EIF4E: variants seen among roughly 807,000 people sequenced by gnomAD.
EIF4E encodes eukaryotic translation initiation factor 4E, also known as eIF-4F 25 kDa subunit.
For missense variants in EIF4E, 113 were observed against 265.6 expected (o/e 0.43, Z 3.99); for synonymous variants, 71 against 88.5 (o/e 0.80, Z 1.11).
At chr4:98,917,207 T>G (rs946744260) in intron 1 of EIF4E, among the ~76,000 whole-genome samples, 3 of 151,466 alleles carry the variant, frequency 2.0e-5, no homozygotes, top group Non-Finnish European at 2.9e-5. Context: ...CATGTGTTCA[T>G]GAAGTTCCTC....
intron 5 of EIF4E, among the ~76,000 whole-genome samples, chr4:98,885,709 C>T: frequency 6.6e-6 from 1 of 152,158 alleles, no homozygotes; most frequent in Non-Finnish European, 1.5e-5. Context: ...GCCTCAGCCT[C>T]CTGAAGTGTT....
chr4:98,913,057 A>T (rs1229595421), intron 1 of EIF4E, among the ~76,000 whole-genome samples: 2 of 151,744 alleles, frequency 1.3e-5, no homozygotes, highest in African/African-American at 4.8e-5. Context: ...AAAATACAAA[A>T]ATTAGCCAGG....
chr4:98,890,874 G>C lies in EIF4E; in HGVS notation c.221+363C>G, dbSNP rs567322204. On this transcript the variant is annotated intron_variant, in intron 3 of 6. Coordinates refer to ENST00000450253, the MANE Select transcript of EIF4E (RefSeq NM_001968.5). ...AATTCCAGATATTGCACTGAAAACA[G>C]TTTGCAGAAATGAGGACCCAACAAC... 2.1e-4 allele frequency: 52 copies of C among 251,174 alleles called. 1 individual carries two copies. The South Asian group carries it at 2.9e-3, about 14-fold the overall frequency. The allele number at this position is 251,174 out of a possible 1,614,324, so 15.6% of individuals were successfully genotyped here.
At chr4:98,917,839 G>A (rs1725449783) in intron 1 of EIF4E, among the ~76,000 whole-genome samples, 1 of 152,304 alleles carries the variant, frequency 6.6e-6, no homozygotes, top group East Asian at 1.9e-4. Flanking sequence ...ACTTTGGGAG[G>A]CCAAGGCAGT....
intron 5 of EIF4E, 105 bp from the exon 6 acceptor site, chr4:98,885,166 C>G: frequency 1.5e-6 from 2 of 1,357,010 alleles, no homozygotes. Context: ...GTTTTTAAAT[C>G]AAGAGTTAAT....
rs1346944504 is a variant in EIF4E at position 98,887,020 on chromosome 4, C to A, written c.399+59G>T. ...GTAACAAATGTAAAACATAACATAT[C>A]TTAAGTATCAGTATTCCAAAACTAC... On this transcript the variant is annotated intron_variant, in intron 5 of 6. Transcript: ENST00000450253. The surrounding 1 kb of genome is among the most constrained non-coding windows in gnomAD (Gnocchi z 4.0). The A allele has an allele frequency of 1.3e-6, 2 of 1,496,530 alleles. No individual in the cohort carries two copies. Among genetic ancestry groups the A allele is most frequent in the Non-Finnish European group, 1.9e-6 (2 of 1,075,398 alleles). The allele number at this position is 1,496,530 out of a possible 1,614,324, so 92.7% of individuals were successfully genotyped here. A position where few individuals can be genotyped will look rare whatever the true frequency, so the allele number is the denominator to read the frequency against.
At chr4:98,918,880 T>G (rs1725522792) in intron 1 of EIF4E, among the ~76,000 whole-genome samples, 1 of 152,244 alleles carries the variant, frequency 6.6e-6, no homozygotes, top group African/African-American at 2.4e-5. Context: ...TATTAAAAGT[T>G]AAACAACTGA....
At chr4:98,904,715 G>A (rs926797029) in intron 1 of EIF4E, among the ~76,000 whole-genome samples, 1 of 152,162 alleles carries the variant, frequency 6.6e-6, no homozygotes, top group African/African-American at 2.4e-5. Context: ...AGATTGCAGT[G>A]AGCACAGATC....
intron 1 of EIF4E, 149 bp from the exon 2 acceptor site, chr4:98,902,131 C>T (rs1724680667): frequency 7.8e-6 from 5 of 638,694 alleles, no homozygotes; most frequent in Admixed American, 2.6e-5. Flanking sequence ...TGCAGTCGTG[C>T]GATCTTGGCT....
intron 1 of EIF4E, among the ~76,000 whole-genome samples, chr4:98,905,316 A>G (rs1724824797): frequency 6.6e-6 from 1 of 152,194 alleles, no homozygotes; most frequent in African/African-American, 2.4e-5. Flanking sequence ...AGGCTAATTT[A>G]GCAGATTATG....
chr4:98,895,342 T>C (rs770537862), intron 2 of EIF4E: 2 of 152,226 alleles, frequency 1.3e-5, no homozygotes, highest in Non-Finnish European at 2.9e-5. Flanking sequence ...TTTTCTCTAA[T>C]GCCTTGAAGA....
chr4:98,910,221 A>T (rs939326068), intron 1 of EIF4E, among the ~76,000 whole-genome samples: 22 of 152,090 alleles, frequency 1.4e-4, no homozygotes, highest in African/African-American at 4.8e-4. Context: ...TGACTTTTAT[A>T]CTCCTCCCTT....
chr4:98,929,040 G>C lies in EIF4E; in HGVS notation c.18+55C>G. 3 of 1,571,988 alleles carry C rather than the reference G, an allele frequency of 1.9e-6. No individual in the cohort carries two copies. In the East Asian group the frequency reaches 7.1e-5, roughly 37 times the overall value. On this transcript the variant is annotated intron_variant, in intron 1 of 6. Transcript: ENST00000450253. Reference sequence around the variant, plus strand: ...GCCGTCCCGCGGAGTCCCCCAGTCAGAAGGAAGACGGAGCGCGGGGACCCG... The same window carrying C: ...GCCGTCCCGCGGAGTCCCCCAGTCACAAGGAAGACGGAGCGCGGGGACCCG...
chr4:98,907,434 A>T (rs1236662664), intron 1 of EIF4E, among the ~76,000 whole-genome samples: 4 of 152,200 alleles, frequency 2.6e-5, no homozygotes, highest in Non-Finnish European at 5.9e-5. Context: ...TCAAGCATCA[A>T]AAAAGGCACA....
intron 1 of EIF4E, among the ~76,000 whole-genome samples, chr4:98,920,417 C>A (rs1183170858): frequency 2.0e-5 from 3 of 152,038 alleles, no homozygotes; most frequent in African/African-American, 7.2e-5. Flanking sequence ...TCTCTTGCCT[C>A]AGCCTTAGCT....
chr4:98,920,906 T>C (rs1027320635), intron 1 of EIF4E, among the ~76,000 whole-genome samples: 1 of 152,220 alleles, frequency 6.6e-6, no homozygotes, highest in African/African-American at 2.4e-5. Context: ...CAAGTTTTAC[T>C]GAAGGATGGA....
intron 1 of EIF4E, among the ~76,000 whole-genome samples, chr4:98,911,427 A>C (rs1215072302): frequency 6.7e-6 from 1 of 149,120 alleles, no homozygotes; most frequent in Non-Finnish European, 1.5e-5. Context: ...TGGGAGGCCG[A>C]GGCGGGTGGA....
At chr4:98,918,365 A>G (rs1725490845) in intron 1 of EIF4E, among the ~76,000 whole-genome samples, 2 of 151,650 alleles carry the variant, frequency 1.3e-5, no homozygotes, top group African/African-American at 4.8e-5. Flanking sequence ...TCTTGGAAAA[A>G]AAAAAAAAAA....
At chr4:98,881,756 A>G (rs1298516569) in intron 6 of EIF4E, among the ~76,000 whole-genome samples, 1 of 152,216 alleles carries the variant, frequency 6.6e-6, no homozygotes, top group African/African-American at 2.4e-5. Flanking sequence ...TCGAGGGAGA[A>G]TGTAATTTCT....
Sources: allele counts gnomAD v4.1 joint callset (sites outside exome capture counted in the v4.1 genomes callset), GRCh38; gene constraint gnomAD v4.1.1; non-coding constraint Gnocchi (gnomAD v3.1); transcripts MANE v1.5; gene names NCBI Gene and HGNC (gene_info 2026-07-23, HGNC 2026-07-21).